TCF4: variants seen among roughly 807,000 people sequenced by gnomAD.
The protein encoded by TCF4 is SL3-3 enhancer factor 2.
Under a neutral mutation model 82.1 loss-of-function variants are expected in TCF4, and 3 were observed. The ratio of observed to expected loss-of-function variants is 0.04; its 90% CI spans 0.02 to 0.09. TCF4 has a LOEUF of 0.09. Among genes scored for constraint, TCF4 ranks in the 10% least tolerant of loss-of-function variants. The pLI is 1.00. For synonymous variants in TCF4, 276 were observed against 309.6 expected (o/e 0.89, Z 1.14); for missense variants, 518 against 852.7 (o/e 0.61, Z 4.89).
intron 3 of TCF4, among the ~76,000 whole-genome samples, chr18:55,524,181 A>G (rs1251734725): frequency 6.6e-6 from 1 of 152,156 alleles, no homozygotes; most frequent in Non-Finnish European, 1.5e-5. Flanking sequence ...TTTATAAAAT[A>G]TGTAGAACAG....
chr18:55,401,061 A>ATCT (rs1267352186), intron 6 of TCF4: 2 of 1,288,962 alleles, frequency 1.6e-6, no homozygotes, highest in Non-Finnish European at 2.0e-6. Flanking sequence ...GAAGCCCAAG[A>ATCT]TACTGAGATT....
rs138658533 is a variant in TCF4, at chr18:55,547,356, C to G, written c.145+37924G>C. ...TTCTGGGAAGACAATTTCTGTCAAA[C>G]TGACAGCCATGTTATATTTACAATA... On this transcript the variant is annotated intron_variant, in intron 3 of 19. Coordinates refer to ENST00000354452, the MANE Select transcript of TCF4 (RefSeq NM_001083962.2). Among the ~76,000 whole-genome samples, 11 of 152,294 alleles carry G rather than the reference C, an allele frequency of 7.2e-5. No homozygotes were observed. The East Asian group carries it at 1.9e-3, about 27-fold the overall frequency.
chr18:55,588,326 G>A, upstream of TCF4: 1 of 1,476,156 alleles, frequency 6.8e-7, no homozygotes. Flanking sequence ...AATGGGTGGG[G>A]GGGCTCCGGC....
At chr18:55,285,048 G>A (rs1292251402) in intron 8 of TCF4, among the ~76,000 whole-genome samples, 1 of 152,148 alleles carries the variant, frequency 6.6e-6, no homozygotes. Flanking sequence ...AAAAATGAAT[G>A]GTTCCAGTGC....
chr18:55,367,985 A>T (rs778962744), intron 6 of TCF4, among the ~76,000 whole-genome samples: 1 of 152,272 alleles, frequency 6.6e-6, no homozygotes, highest in African/African-American at 2.4e-5. Flanking sequence ...TCTGGTGGGC[A>T]GCACATGAAC....
At chr18:55,272,729 G>A (rs1389423757) in intron 10 of TCF4, among the ~76,000 whole-genome samples, 1 of 151,960 alleles carries the variant, frequency 6.6e-6, no homozygotes, top group Non-Finnish European at 1.5e-5. Context: ...CATACATGAC[G>A]TCATGTTTAC....
At chr18:55,387,962 G>A (rs1261778531) in intron 6 of TCF4, among the ~76,000 whole-genome samples, 1 of 152,202 alleles carries the variant, frequency 6.6e-6, no homozygotes, top group Non-Finnish European at 1.5e-5. Flanking sequence ...AGGTCTGCTT[G>A]CTGTGTGATG....
upstream of TCF4, chr18:55,588,503 A>G (rs1277049152): frequency 2.0e-6 from 3 of 1,535,094 alleles, no homozygotes; most frequent in Admixed American, 3.9e-5. Context: ...TTACAATCTG[A>G]AGCCTGAACA....
At chr18:55,308,538 G>T (rs972460089) in intron 8 of TCF4, among the ~76,000 whole-genome samples, 1 of 152,194 alleles carries the variant, frequency 6.6e-6, no homozygotes, top group Non-Finnish European at 1.5e-5. Context: ...TGGTGGATGT[G>T]ACACATTCAT....
At chr18:55,469,230 G>A (rs540601206) in intron 3 of TCF4, among the ~76,000 whole-genome samples, 27 of 152,092 alleles carry the variant, frequency 1.8e-4, no homozygotes, top group African/African-American at 2.4e-4. Context: ...TTGAGATGCC[G>A]AGGCGGGCAG....
chr18:55,550,841 C>G (rs888607910), intron 3 of TCF4: 3 of 152,132 alleles, frequency 2.0e-5, no homozygotes, highest in Admixed American at 1.3e-4. Flanking sequence ...CCCCAAAAAC[C>G]TCTCTGTTTA....
chr18:55,345,062 C>T (rs978925672), intron 8 of TCF4, among the ~76,000 whole-genome samples: 1 of 151,990 alleles, frequency 6.6e-6, no homozygotes, highest in Non-Finnish European at 1.5e-5. Context: ...AAATTCCAAA[C>T]AAAAATTCAG....
At chr18:55,309,467 T>C (rs1293069869) in intron 8 of TCF4, among the ~76,000 whole-genome samples, 1 of 152,114 alleles carries the variant, frequency 6.6e-6, no homozygotes, top group African/African-American at 2.4e-5. Context: ...GCTACCTCAC[T>C]GAACAGGCCA....
intron 5 of TCF4, among the ~76,000 whole-genome samples, chr18:55,454,339 G>A (rs1455610030): frequency 6.6e-6 from 1 of 152,080 alleles, no homozygotes; most frequent in Non-Finnish European, 1.5e-5. Flanking sequence ...ACTGGCTCTG[G>A]TTTAGGGTCT....
upstream of TCF4, chr18:55,589,519 C>G: frequency 9.5e-7 from 1 of 1,050,800 alleles, no homozygotes; most frequent in Non-Finnish European, 1.1e-6. Context: ...TTCCCTCCCC[C>G]AAAAAAGAAA....
chr18:55,483,173 G>A (rs181153979), intron 3 of TCF4, among the ~76,000 whole-genome samples: 9 of 152,210 alleles, frequency 5.9e-5, no homozygotes, highest in East Asian at 1.9e-4. Context: ...CAAAGGGGCC[G>A]TCCATATATC....
intron 2 of TCF4, among the ~76,000 whole-genome samples, chr18:55,599,734 T>A (rs1568484232): frequency 6.6e-6 from 1 of 152,100 alleles, no homozygotes; most frequent in Admixed American, 6.6e-5. Flanking sequence ...AACAAAAAAC[T>A]GTGGTACAAT....
At chr18:55,493,784 T>C (rs1263749573) in intron 3 of TCF4, among the ~76,000 whole-genome samples, 1 of 152,174 alleles carries the variant, frequency 6.6e-6, no homozygotes, top group Non-Finnish European at 1.5e-5. Flanking sequence ...CTGCAAAAGA[T>C]GTGACAGTAG....
At position 55,224,848 on chromosome 18, in the gene TCF4, T is replaced by G. The variant is rs1211481429; in HGVS notation, c.*3187A>C. 1 of 152,606 alleles carries G rather than the reference T, an allele frequency of 6.6e-6. No homozygotes were observed. The highest frequency in any genetic ancestry group is 1.5e-5 in the Non-Finnish European group (1 of 68,014). 9.5% of individuals were successfully genotyped at this position (152,606 alleles called of 1,614,324 possible). ...TACTTGAATGTGGAGGTGGATCAACTGCTCCAAGTTGCTTTTAAAGTCCGA... is the reference window on the plus strand; with the variant it reads ...TACTTGAATGTGGAGGTGGATCAACGGCTCCAAGTTGCTTTTAAAGTCCGA... On this transcript the variant is annotated 3_prime_UTR_variant, in exon 20 of 20. Coordinates refer to ENST00000354452, the MANE Select transcript of TCF4 (RefSeq NM_001083962.2).
Sources: allele counts gnomAD v4.1 joint callset (sites outside exome capture counted in the v4.1 genomes callset), GRCh38; gene constraint gnomAD v4.1.1; transcripts MANE v1.5; gene names NCBI Gene and HGNC (gene_info 2026-07-23, HGNC 2026-07-21).